The following OXR1 variants were observed in gnomAD, a reference collection of about 807,000 sequenced individuals.
OXR1 encodes oxidation resistance 1.
A neutral mutation model predicts 104.6 loss-of-function variants in OXR1; 41 were observed. The observed-to-expected ratio is 0.39, with a 90% CI of 0.31 to 0.51. The LOEUF is 0.51. Ranked by LOEUF, OXR1 falls within the 20% of genes least tolerant of loss-of-function variation. The pLI is 0.77. For missense variants in OXR1, 955 were observed against 1,031.9 expected (o/e 0.93, Z 1.02); for synonymous variants, 348 against 348.4 (o/e 1.00, Z 0.01).
intron 1 of OXR1, among the ~76,000 whole-genome samples, chr8:106,290,478 A>T (rs1812699543): frequency 1.3e-5 from 2 of 152,210 alleles, no homozygotes; most frequent in East Asian, 3.9e-4. Flanking sequence ...GCTTCTGCAT[A>T]GCCAAAGAAA....
At chr8:106,331,054 G>A (rs1814694872) in intron 1 of OXR1, among the ~76,000 whole-genome samples, 1 of 152,174 alleles carries the variant, frequency 6.6e-6, no homozygotes, top group African/African-American at 2.4e-5. Context: ...TGCAATTGCA[G>A]TGATTTATTT....
Position 106,750,882 on chromosome 8 carries a change from A to G in OXR1, c.2563A>G (p.Thr855Ala). Residue 855 changes from threonine (T) to alanine (A), a missense_variant, in exon 17 of 17, where the codon ACA (threonine) becomes GCA (alanine). Physicochemically the swap from Thr to Ala is moderately conservative, Grantham distance 58. Transcript: ENST00000517566. Reference protein sequence around the residue: ...SHSCKTFGNRTLSKKEDFFIQ... With the variant: ...SHSCKTFGNRALSKKEDFFIQ... ...TTCTTGTAAAACGTTTGGGAATCGT[A>G]CACTTTCTAAGAAGGAAGATTTCTT... The G allele has an allele frequency of 6.2e-7, 1 of 1,607,360 alleles. No individual in the cohort carries two copies. Among genetic ancestry groups the G allele is most frequent in the Non-Finnish European group, 8.5e-7 (1 of 1,175,048 alleles).
intron 2 of OXR1, among the ~76,000 whole-genome samples, chr8:106,389,199 T>A (rs535649932): frequency 6.6e-6 from 1 of 152,254 alleles, no homozygotes; most frequent in Admixed American, 6.5e-5. Flanking sequence ...GGTTAAGTCA[T>A]CCAACATAAA....
chr8:106,639,913 A>C (rs1823487709), intron 3 of OXR1, among the ~76,000 whole-genome samples: 2 of 152,182 alleles, frequency 1.3e-5, no homozygotes, highest in Admixed American at 1.3e-4. Context: ...ATAAACAAAA[A>C]ATTAGTATGG....
At chr8:106,305,488 A>T (rs1813429418) in intron 1 of OXR1, among the ~76,000 whole-genome samples, 1 of 152,168 alleles carries the variant, frequency 6.6e-6, no homozygotes, top group Non-Finnish European at 1.5e-5. Flanking sequence ...GACTTTGCTA[A>T]TATCTCACTA....
At chr8:106,306,259 A>C (rs1813461330) in intron 1 of OXR1, among the ~76,000 whole-genome samples, 1 of 152,116 alleles carries the variant, frequency 6.6e-6, no homozygotes, top group Non-Finnish European at 1.5e-5. Context: ...TTCACAAAGC[A>C]CTGATGTACA....
At chr8:106,735,362 A>G (rs575215042) in intron 11 of OXR1, among the ~76,000 whole-genome samples, 14 of 152,252 alleles carry the variant, frequency 9.2e-5, no homozygotes, top group African/African-American at 3.4e-4. Flanking sequence ...ACATGAAAGA[A>G]ACTATGACTT....
chr8:106,735,132 T>C (rs1365293764), intron 11 of OXR1, among the ~76,000 whole-genome samples: 4 of 152,052 alleles, frequency 2.6e-5, no homozygotes. Flanking sequence ...AATATATAGC[T>C]CTTTTATCCC....
chr8:106,722,353 C>A (rs534854415), intron 11 of OXR1, among the ~76,000 whole-genome samples: 12 of 150,848 alleles, frequency 8.0e-5, no homozygotes, highest in African/African-American at 2.7e-4. Flanking sequence ...TAATACTGAT[C>A]GAATAATCAA....
intron 2 of OXR1, among the ~76,000 whole-genome samples, chr8:106,442,213 G>A (rs187213028): frequency 9.2e-5 from 14 of 152,184 alleles, no homozygotes; most frequent in East Asian, 3.9e-4. Flanking sequence ...GATGGATTAC[G>A]TTTATTGATT....
intron 7 of OXR1, chr8:106,697,824 A>T: frequency 6.2e-7 from 1 of 1,612,414 alleles, no homozygotes; most frequent in South Asian, 1.1e-5. Flanking sequence ...TATTGAGCTC[A>T]CATAACACCG....
chr8:106,374,740 C>T (rs979390795), intron 2 of OXR1, among the ~76,000 whole-genome samples: 1 of 152,146 alleles, frequency 6.6e-6, no homozygotes, highest in Non-Finnish European at 1.5e-5. Flanking sequence ...ACAGAATAAT[C>T]TCCACTGACA....
At chr8:106,444,789 A>C (rs1245130501) in intron 2 of OXR1, among the ~76,000 whole-genome samples, 3 of 152,156 alleles carry the variant, frequency 2.0e-5, no homozygotes, top group Non-Finnish European at 2.9e-5. Flanking sequence ...CGTTCTGCAC[A>C]TGTATCCCAT....
At chr8:106,386,742 A>G (rs1817387781) in intron 2 of OXR1, among the ~76,000 whole-genome samples, 1 of 152,210 alleles carries the variant, frequency 6.6e-6, no homozygotes, top group Non-Finnish European at 1.5e-5. Context: ...GAAGGGCAGG[A>G]TGTTTTGGAA....
chr8:106,692,952 C>T (rs1829463149), intron 7 of OXR1, 75 bp downstream of exon 7: 4 of 1,012,408 alleles, frequency 4.0e-6, no homozygotes, highest in Admixed American at 2.6e-5. Flanking sequence ...TTGGCATTTA[C>T]ATTTTAAGTC....
chr8:106,723,986 G>A (rs935538667), intron 11 of OXR1, among the ~76,000 whole-genome samples: 1 of 151,286 alleles, frequency 6.6e-6, no homozygotes, highest in Non-Finnish European at 1.5e-5. Flanking sequence ...GAGTCTTGCT[G>A]TGTTGCCCAC....
rs1217661018 is a variant in OXR1, at chr8:106,706,372, T to G, written c.861-10T>G. On this transcript the variant is annotated splice_polypyrimidine_tract_variant and intron_variant, in intron 8 of 16. Transcript: ENST00000517566. ...AAAGTCTAATTATTTTTAATTTTGT[T>G]TAATGACAGAGATATAGATCAGCTA... 6.5e-7 allele frequency: 1 copy of G among 1,538,564 alleles called. No individual in the cohort carries two copies.
At chr8:106,377,072 A>G (rs918462328) in intron 2 of OXR1, among the ~76,000 whole-genome samples, 3 of 152,234 alleles carry the variant, frequency 2.0e-5, no homozygotes, top group African/African-American at 7.2e-5. Context: ...ATATCTATTA[A>G]TAGATATTAC....
intron 2 of OXR1, among the ~76,000 whole-genome samples, chr8:106,489,621 A>G (rs1200268912): frequency 6.6e-6 from 1 of 152,218 alleles, no homozygotes; most frequent in Admixed American, 6.5e-5. Flanking sequence ...TAGTGATGAT[A>G]TAGACAACAC....
Sources: allele counts gnomAD v4.1 joint callset (sites outside exome capture counted in the v4.1 genomes callset), GRCh38; gene constraint gnomAD v4.1.1; transcripts MANE v1.5; gene names NCBI Gene and HGNC (gene_info 2026-07-23, HGNC 2026-07-21).